The following PATJ variants were observed in gnomAD, a reference collection of about 807,000 sequenced individuals.
PATJ encodes the protein inaD-like protein.
PATJ carries 190 observed loss-of-function variants against 224.9 expected under a neutral mutation model. That is an observed-to-expected ratio of 0.84 (90% CI 0.75 to 0.95). The LOEUF (loss-of-function observed/expected upper bound fraction) is 0.95. Among genes scored for constraint, PATJ ranks in the 40% least tolerant of loss-of-function variants. PATJ has a pLI of 0.00. For synonymous variants in PATJ, 769 were observed against 820.3 expected, an observed-to-expected ratio of 0.94 and a Z score of 1.07; for missense variants, 2,121 against 2,270.3, an observed-to-expected ratio of 0.93 and a Z score of 1.34.
At chr1:62,144,777 A>AAAATAT (rs377489788) in intron 41 of PATJ, among the ~76,000 whole-genome samples, 7,444 of 118,980 alleles carry the variant, frequency 0.063, 356 homozygotes, top group Non-Finnish European at 0.09. Context: ...AAAAAAAAAA[A>AAAATAT]ATATATATAT....
chr1:61,981,958 C>T (rs956954420), intron 27 of PATJ, among the ~76,000 whole-genome samples: 9 of 152,048 alleles, frequency 5.9e-5, no homozygotes, highest in Non-Finnish European at 8.8e-5. Flanking sequence ...CGTGAGCCAC[C>T]GCACTCAGCC....
intron 27 of PATJ, among the ~76,000 whole-genome samples, chr1:61,938,324 A>G (rs12070855): frequency 0.043 from 6,587 of 152,226 alleles, 531 homozygotes; most frequent in African/African-American, 0.15. Context: ...GTATTGTAAC[A>G]GCATTCTTGA....
At chr1:61,869,651 C>G (rs1468399489) in intron 20 of PATJ, among the ~76,000 whole-genome samples, 6 of 152,174 alleles carry the variant, frequency 3.9e-5, no homozygotes. Flanking sequence ...CCCCTGACCC[C>G]TTTGTGGGAC....
In PATJ at chr1:61,919,549, C is replaced by T. The variant is rs142716821; in HGVS notation, c.3570+4885C>T. On this transcript the variant is annotated intron_variant, in intron 26 of 43. Coordinates refer to ENST00000642238, the MANE Select transcript of PATJ (RefSeq NM_001350145.3). The stretch of plus-strand genomic sequence containing the variant: ...CAAACTTCTGGGCTAAAGCAATCTG[C>T]CTACCTCAGCCTCCCAAAATGCTGG... Among the ~76,000 whole-genome samples the T allele has an allele frequency of 2.0e-3, 301 of 152,170 alleles. 1 individual carries two copies. The highest frequency in any genetic ancestry group is 6.9e-3 in the African/African-American group (287 of 41,520).
At chr1:61,921,460 A>G (rs936156582) in intron 26 of PATJ, among the ~76,000 whole-genome samples, 2 of 152,172 alleles carry the variant, frequency 1.3e-5, no homozygotes, top group African/African-American at 4.8e-5. Flanking sequence ...TAGGTAATAT[A>G]TAAGATTCCA....
chr1:62,148,120 TTAAA>T lies in PATJ; in HGVS notation c.5272-163_5272-160del, dbSNP rs1298589902. Among the ~76,000 whole-genome samples, 26 of 108,482 alleles carry T rather than the reference TTAAA, an allele frequency of 2.4e-4. 3 individuals carry two copies. Among genetic ancestry groups the T allele is most frequent in the African/African-American group, 4.4e-4 (13 of 29,414 alleles). 71.2% of individuals were successfully genotyped at this position (108,482 alleles called of 152,430 possible). On this transcript the variant is annotated intron_variant, in intron 41 of 43. Coordinates refer to ENST00000642238, the MANE Select transcript of PATJ (RefSeq NM_001350145.3). ...TGAGCAACAGAGTGAGACACTGTCT[TTAAA>T]AAAAAAAAAAAAAAAAAGTTTGAGA...
At chr1:62,093,157 A>G (rs1395765645) in intron 33 of PATJ, among the ~76,000 whole-genome samples, 3 of 152,208 alleles carry the variant, frequency 2.0e-5, no homozygotes, top group Admixed American at 6.5e-5. Flanking sequence ...TAGGGCAGCT[A>G]CGTTAGCAAG....
intron 1 of PATJ, among the ~76,000 whole-genome samples, chr1:61,758,653 T>C (rs1220763912): frequency 6.6e-6 from 1 of 152,196 alleles, no homozygotes; most frequent in Non-Finnish European, 1.5e-5. Flanking sequence ...GGCCCTACTG[T>C]AGTTCTTAAT....
At chr1:62,091,048 A>G (rs1435767920) in intron 33 of PATJ, among the ~76,000 whole-genome samples, 1 of 152,198 alleles carries the variant, frequency 6.6e-6, no homozygotes, top group African/African-American at 2.4e-5. Flanking sequence ...TGAAGTGGAG[A>G]AAGAATGAGA....
intron 14 of PATJ, among the ~76,000 whole-genome samples, chr1:61,819,188 C>G (rs1656764165): frequency 6.6e-6 from 1 of 152,180 alleles, no homozygotes; most frequent in African/African-American, 2.4e-5. Flanking sequence ...TGACCAACTT[C>G]CCAAAATGAC....
intron 16 of PATJ, among the ~76,000 whole-genome samples, chr1:61,830,979 A>G (rs1022991011): frequency 1.3e-5 from 2 of 152,086 alleles, no homozygotes; most frequent in South Asian, 2.1e-4. Context: ...CGAGGTCAGG[A>G]GATTGAGACC....
chr1:62,116,434 A>G, intron 35 of PATJ, 98 bp from the exon 36 acceptor site: 20 of 1,352,136 alleles, frequency 1.5e-5, no homozygotes, highest in Non-Finnish European at 2.0e-5. Flanking sequence ...TGGAAGAAGA[A>G]AGGAGCATAT....
At chr1:61,966,141 C>A (rs993160535) in intron 27 of PATJ, among the ~76,000 whole-genome samples, 1 of 152,074 alleles carries the variant, frequency 6.6e-6, no homozygotes, top group African/African-American at 2.4e-5. Context: ...ACCTTGTGAT[C>A]CACCCACCTT....
intron 33 of PATJ, among the ~76,000 whole-genome samples, chr1:62,098,274 G>T (rs1001569662): frequency 1.4e-4 from 21 of 150,468 alleles, no homozygotes; most frequent in Non-Finnish European, 3.1e-4. Context: ...CAGGAGAATG[G>T]CGTGAACCTG....
intron 1 of PATJ, among the ~76,000 whole-genome samples, chr1:61,761,415 T>C (rs553054058): frequency 6.6e-6 from 1 of 152,242 alleles, no homozygotes; most frequent in South Asian, 2.1e-4. Flanking sequence ...CCTTCTAAGT[T>C]TTCGGTTGGG....
intron 6 of PATJ, among the ~76,000 whole-genome samples, chr1:61,773,019 A>C (rs1646704676): frequency 6.6e-6 from 1 of 152,040 alleles, no homozygotes; most frequent in African/African-American, 2.4e-5. Context: ...TTATTAAACA[A>C]TCCCAATATT....
intron 7 of PATJ, among the ~76,000 whole-genome samples, chr1:61,775,673 T>G (rs1646874809): frequency 6.6e-6 from 1 of 152,142 alleles, no homozygotes; most frequent in African/African-American, 2.4e-5. Flanking sequence ...ATGACCTAAA[T>G]GTTAAAATCA....
chr1:61,751,133 C>T (rs1645299551), intron 1 of PATJ, among the ~76,000 whole-genome samples: 1 of 151,824 alleles, frequency 6.6e-6, no homozygotes, highest in South Asian at 2.1e-4. Flanking sequence ...TCCCGAATAG[C>T]TGGGATTACA....
intron 7 of PATJ, among the ~76,000 whole-genome samples, chr1:61,786,455 G>A (rs1381987394): frequency 6.6e-6 from 1 of 152,014 alleles, no homozygotes; most frequent in African/African-American, 2.4e-5. Context: ...TGAACTTCAG[G>A]TTTGTGTATC....
Sources: gnomAD v4.1 joint callset for allele counts (sites outside exome capture counted in the v4.1 genomes callset) on GRCh38, gnomAD v4.1.1 for gene constraint, MANE v1.5 for transcripts, NCBI Gene and HGNC (gene_info 2026-07-23, HGNC 2026-07-21) for gene names.